Variants in EEF1AKMT3 observed in about 807,000 individuals in gnomAD.
The protein encoded by EEF1AKMT3 is EEF1A lysine methyltransferase 3.
In EEF1AKMT3, 17 loss-of-function variants were observed where a neutral mutation model predicts 17.8. The ratio of observed to expected loss-of-function variants is 0.96; its 90% CI spans 0.65 to 1.43. EEF1AKMT3 has a LOEUF of 1.43. Among genes scored for constraint, EEF1AKMT3 ranks in the 40% most tolerant of loss-of-function variants. The pLI is 0.00. For synonymous variants in EEF1AKMT3, 116 were observed against 126.5 expected, an observed-to-expected ratio of 0.92 and a Z score of 0.56; for missense variants, 244 against 285.8, an observed-to-expected ratio of 0.85 and a Z score of 1.06.
At chr12:57,774,869 G>A (rs945577010) in intron 2 of EEF1AKMT3, 26 of 1,095,786 alleles carry the variant, frequency 2.4e-5, no homozygotes, top group African/African-American at 3.2e-5. Flanking sequence ...ACTTTGGGAG[G>A]CCGAGGCAGG....
Position 57,774,247 on chromosome 12 carries a change from A to G in EEF1AKMT3, c.289+1119A>G, listed in dbSNP as rs139441893. ...TGTAATCCCAGCCCTTTGGGAGGCC[A>G]AGGTGGGTGGATCACCTGAGGTCAG... On this transcript the variant is annotated intron_variant, in intron 2 of 2. Transcript: ENST00000300209. 5.6e-3 allele frequency among the ~76,000 whole-genome samples: 856 copies of G among 152,278 alleles called. 21 individuals carry two copies. The East Asian group carries it at 0.064, about 11-fold the overall frequency.
intron 2 of EEF1AKMT3, among the ~76,000 whole-genome samples, chr12:57,778,307 T>TTTTTTCTTTTTTTTTTTC (rs536788916): frequency 9.5e-6 from 1 of 105,314 alleles, no homozygotes; most frequent in East Asian, 4.2e-4. Context: ...TTTTTTTTTT[T>TTTTTTCTTTTTTTTTTTC]TGAGACAGGT....
chr12:57,772,655 C>A lies in EEF1AKMT3; in HGVS notation c.-70C>A. ...CACCACGACGGCTCGCGGCCCCCAG[C>A]CTCTACCCCGCTCCGGATCCGGGAT... is the stretch of plus-strand genomic sequence containing the variant. On this transcript the variant is annotated 5_prime_UTR_variant, in exon 1 of 3. Transcript: ENST00000300209. The surrounding 1 kb of genome is among the most constrained non-coding windows in gnomAD (Gnocchi z 4.1). 11 of 1,505,178 alleles carry A rather than the reference C, an allele frequency of 7.3e-6. No homozygotes were observed. Among genetic ancestry groups the A allele is most frequent in the Non-Finnish European group, 8.9e-6 (10 of 1,122,770 alleles). 93.2% of individuals were successfully genotyped at this position (1,505,178 alleles called of 1,614,324 possible).
Position 57,773,077 on chromosome 12 carries a change from A to T in EEF1AKMT3, c.238A>T (p.Ile80Phe), listed in dbSNP as rs1298161677. Reference sequence around the variant, plus strand: ...TGTGGATTTCCGAGGCAAGAAGGTGATCGAACTGGGTGCGGGGACAGGCAT... The same window carrying T: ...TGTGGATTTCCGAGGCAAGAAGGTGTTCGAACTGGGTGCGGGGACAGGCAT... ...QNVDFRGKKV[I>F]ELGAGTGIVG... The change falls in exon 2 of 3, where the codon ATC becomes TTC. Residue 80 changes from isoleucine (I) to phenylalanine (F), a missense_variant. By Grantham distance (21) the Ile-to-Phe change is conservative. Coordinates refer to ENST00000300209, the MANE Select transcript of EEF1AKMT3 (RefSeq NM_015433.3). The T allele has an allele frequency of 1.2e-6, 2 of 1,614,010 alleles. No homozygotes were observed. The highest frequency in any genetic ancestry group is 1.7e-6 in the Non-Finnish European group (2 of 1,180,040).
rs1439253181 is a variant in EEF1AKMT3, at chr12:57,780,462, T to G, written c.497T>G (p.Leu166Arg). 6.2e-7 allele frequency: 1 copy of G among 1,614,138 alleles called. No homozygotes were observed. Among genetic ancestry groups the G allele is most frequent in the Non-Finnish European group, 8.5e-7 (1 of 1,180,024 alleles). Residue 166 changes from leucine (L) to arginine (R), a missense_variant, in exon 3 of 3, where the codon CTC becomes CGC. Coordinates refer to ENST00000300209, the MANE Select transcript of EEF1AKMT3 (RefSeq NM_015433.3). ...ACCTTCCCTCTGCTGCTGGGGACCC[T>G]CCAACACCTGTGCAGGCCCCATGGC... ...EPTFPLLLGT[L>R]QHLCRPHGTI... is the part of the protein sequence containing the mutation.
chr12:57,774,105 C>T (rs1236269581), intron 2 of EEF1AKMT3, among the ~76,000 whole-genome samples: 1 of 152,142 alleles, frequency 6.6e-6, no homozygotes, highest in South Asian at 2.1e-4. Context: ...TGAAAGCACT[C>T]GTTTAAAAAT....
chr12:57,782,402 A>C lies in EEF1AKMT3; in HGVS notation c.*1756A>C. 1 of 216,696 alleles carries C rather than the reference A, an allele frequency of 4.6e-6. No individual in the cohort carries two copies. Among genetic ancestry groups the C allele is most frequent in the Admixed American group, 5.5e-5 (1 of 18,334 alleles). The allele number at this position is 216,696 out of a possible 1,614,324, so 13.4% of individuals were successfully genotyped here. ...CAATAAATATTTACTCGCTTTGTTT[A>C]ATGGATTCCACCCCTGCCTTCCTAG... On this transcript the variant is annotated 3_prime_UTR_variant, in exon 3 of 3. Coordinates refer to ENST00000300209, the MANE Select transcript of EEF1AKMT3 (RefSeq NM_015433.3).
At position 57,780,299 on chromosome 12, in the gene EEF1AKMT3, A is replaced by ATCCAGGGCAACG; in HGVS notation, c.341_352dup (p.Gly114_Gln117dup). The ATCCAGGGCAACG allele has an allele frequency of 6.2e-7, 1 of 1,614,076 alleles. No homozygotes were observed. The highest frequency in any genetic ancestry group is 8.5e-7 in the Non-Finnish European group (1 of 1,180,014). ...TGACCTGCCCCTGGCCCTAGAACAG[A>ATCCAGGGCAACG]TCCAGGGCAACGTCCAGGCCAATGT... On this transcript the variant is annotated inframe_insertion, in exon 3 of 3. Transcript: ENST00000300209.
intron 2 of EEF1AKMT3, 51 bp downstream of exon 2, chr12:57,773,179 G>A: frequency 6.4e-7 from 1 of 1,554,674 alleles, no homozygotes. Context: ...GGGGCGCGGA[G>A]AAATGGTCAC....
rs781409576 is a variant in EEF1AKMT3, at chr12:57,772,992, T to C, written c.178-25T>C. The stretch of plus-strand genomic sequence containing the variant: ...ATATGGAGCCATCCTCACGACTGTC[T>C]TTTTCTCTGTCTTTTCTCCCGTAGG... On this transcript the variant is annotated intron_variant, in intron 1 of 2. Transcript: ENST00000300209. This position sits in a 1 kb window ranked among gnomAD's most constrained non-coding sequence, Gnocchi z 4.1. 4.3e-6 allele frequency: 7 copies of C among 1,612,632 alleles called. No individual in the cohort carries two copies. In the East Asian group the frequency reaches 1.6e-4, roughly 36 times the overall value.
intron 2 of EEF1AKMT3, among the ~76,000 whole-genome samples, chr12:57,775,484 C>T (rs1257013419): frequency 6.6e-6 from 1 of 151,984 alleles, no homozygotes; most frequent in Admixed American, 6.6e-5. Context: ...TGGGTTCAAC[C>T]GATTCTCCTG....
intron 2 of EEF1AKMT3, among the ~76,000 whole-genome samples, 195 bp downstream of exon 2, chr12:57,773,323 C>G (rs1955457413): frequency 6.6e-6 from 1 of 152,054 alleles, no homozygotes; most frequent in Non-Finnish European, 1.5e-5. Flanking sequence ...CGCGAATTGC[C>G]TGTCAAAGCA....
chr12:57,772,706 CACTCCCTTGGCGGGCCGGAT>C lies in EEF1AKMT3; in HGVS notation c.-18_2del. 1 of 1,605,582 alleles carries C rather than the reference CACTCCCTTGGCGGGCCGGAT, an allele frequency of 6.2e-7. No homozygotes were observed. ...CTGAGCGCCGGCCGCGGTGCCCAGG[CACTCCCTTGGCGGGCCGGAT>C]GGCGGACCCCGGCCCAGATCCCGAA... On this transcript the variant is annotated start_lost and 5_prime_UTR_variant, in exon 1 of 3. Coordinates refer to ENST00000300209, the MANE Select transcript of EEF1AKMT3 (RefSeq NM_015433.3). This position sits in a 1 kb window ranked among gnomAD's most constrained non-coding sequence, Gnocchi z 4.1.
At chr12:57,774,647 G>A in intron 2 of EEF1AKMT3, 1 of 1,524,380 alleles carries the variant, frequency 6.6e-7, no homozygotes. Flanking sequence ...GGTCTAGTGA[G>A]GGAGACAGAG....
intron 2 of EEF1AKMT3, among the ~76,000 whole-genome samples, chr12:57,777,046 T>A (rs1469712010): frequency 6.6e-6 from 1 of 152,222 alleles, no homozygotes; most frequent in Non-Finnish European, 1.5e-5. Flanking sequence ...TGCATCTGTG[T>A]GCAGTGCCTT....
intron 2 of EEF1AKMT3, among the ~76,000 whole-genome samples, chr12:57,777,335 A>AT (rs1955486580): frequency 6.6e-6 from 1 of 152,156 alleles, no homozygotes; most frequent in Non-Finnish European, 1.5e-5. Context: ...TCTATGCTCC[A>AT]CTTTAAAACA....
chr12:57,772,917 C>T lies in EEF1AKMT3; in HGVS notation c.177+16C>T. 2 of 1,613,400 alleles carry T rather than the reference C, an allele frequency of 1.2e-6. No homozygotes were observed. The highest frequency in any genetic ancestry group is 2.2e-5 in the South Asian group (2 of 91,000). On this transcript the variant is annotated intron_variant, in intron 1 of 2. Coordinates refer to ENST00000300209, the MANE Select transcript of EEF1AKMT3 (RefSeq NM_015433.3). The surrounding 1 kb of genome is among the most constrained non-coding windows in gnomAD (Gnocchi z 4.1). ...GTGGGACGCGGTGAGGAATGGGCTG[C>T]GCCGGGTGAGGGTCCGTGGGAGGTC...
rs1474849825 is a variant in EEF1AKMT3, at chr12:57,772,733, C to T, written c.9C>T (p.Asp3=). The change falls in exon 1 of 3, where the codon GAC becomes GAT. Residue 3 remains aspartate (D), a synonymous_variant. Coordinates refer to ENST00000300209, the MANE Select transcript of EEF1AKMT3 (RefSeq NM_015433.3). This position sits in a 1 kb window ranked among gnomAD's most constrained non-coding sequence, Gnocchi z 4.1. Reference sequence around the variant, plus strand: ...CTCCCTTGGCGGGCCGGATGGCGGACCCCGGCCCAGATCCCGAATCTGAGT... The same window carrying T: ...CTCCCTTGGCGGGCCGGATGGCGGATCCCGGCCCAGATCCCGAATCTGAGT... MA[D]PGPDPESESE... 6.2e-6 allele frequency: 10 copies of T among 1,612,630 alleles called. No individual in the cohort carries two copies. The highest frequency in any genetic ancestry group is 1.7e-5 in the Admixed American group (1 of 59,934).
intron 2 of EEF1AKMT3, among the ~76,000 whole-genome samples, chr12:57,777,632 A>G (rs955095986): frequency 9.2e-5 from 14 of 152,192 alleles, no homozygotes; most frequent in African/African-American, 3.4e-4. Flanking sequence ...CACAACTGAA[A>G]ATGTGAGTGC....
Sources: gnomAD v4.1 joint callset for allele counts (sites outside exome capture counted in the v4.1 genomes callset) on GRCh38, gnomAD v4.1.1 for gene constraint, Gnocchi (gnomAD v3.1) non-coding constraint, MANE v1.5 for transcripts, NCBI Gene and HGNC (gene_info 2026-07-23, HGNC 2026-07-21) for gene names.